Variants in INPP5B observed in about 807,000 individuals in gnomAD.
The protein encoded by INPP5B is inositol polyphosphate-5-phosphatase B, also known as type II inositol 1,4,5-trisphosphate 5-phosphatase.
In INPP5B, 90 loss-of-function variants were observed where a neutral mutation model predicts 118.5. That is an observed-to-expected ratio of 0.76 (90% CI 0.64 to 0.90). INPP5B has a LOEUF of 0.90. Among genes scored for constraint, INPP5B ranks in the 40% least tolerant of loss-of-function variants. The probability of loss-of-function intolerance (pLI) is 0.00; values close to 1 mark genes in which losing one functional copy is unlikely to be tolerated. For synonymous variants in INPP5B, 385 were observed against 418.9 expected (o/e 0.92, Z 0.99); for missense variants, 984 against 1,125.6 (o/e 0.87, Z 1.80).
chr1:37,941,079 T>C (rs1353698577), intron 5 of INPP5B, among the ~76,000 whole-genome samples: 1 of 152,088 alleles, frequency 6.6e-6, no homozygotes, highest in Non-Finnish European at 1.5e-5. Flanking sequence ...ACAGGTTCTC[T>C]GGATGTGTAG....
intron 12 of INPP5B, among the ~76,000 whole-genome samples, 154 bp from the exon 13 acceptor site, chr1:37,885,979 A>C (rs1187273252): frequency 6.6e-6 from 1 of 152,082 alleles, no homozygotes; most frequent in African/African-American, 2.4e-5. Context: ...GGAGTTCAAG[A>C]CCAGCCTGGC....
At chr1:37,900,073 A>ATTTTT (rs34018622) in intron 7 of INPP5B, among the ~76,000 whole-genome samples, 2 of 114,644 alleles carry the variant, frequency 1.7e-5, no homozygotes, top group African/African-American at 3.6e-5. Context: ...TTTACCTTGA[A>ATTTTT]TTTTTTTTTT....
chr1:37,933,695 G>A (rs1645578745), intron 6 of INPP5B, among the ~76,000 whole-genome samples: 1 of 150,958 alleles, frequency 6.6e-6, no homozygotes, highest in African/African-American at 2.4e-5. Flanking sequence ...ACCCCAGCCT[G>A]GGTGACAGAG....
intron 7 of INPP5B, among the ~76,000 whole-genome samples, chr1:37,926,215 AAT>A (rs1453369427): frequency 7.2e-5 from 11 of 152,224 alleles, no homozygotes; most frequent in African/African-American, 1.4e-4. Context: ...GACAGACTTT[AAT>A]ACTTTGTTTC....
Position 37,891,369 on chromosome 1 carries a change from G to A in INPP5B, c.618C>T (p.Ser206=), listed in dbSNP as rs1355673252. The change falls in exon 8 of 24, where the codon AGC becomes AGT. Residue 206 remains serine, a synonymous_variant. Coordinates refer to ENST00000373024, the MANE Select transcript of INPP5B (RefSeq NM_005540.3). ...GAGAGTTGCATTACCTTGGTTGCAA[G>A]CTTTCTGGTTTATCTTGACCCCTGG... ...QSSRGQDKPE[S]LQPRQNKSKS... is the part of the protein sequence containing the mutation. 32 of 1,613,534 alleles carry A rather than the reference G, an allele frequency of 2.0e-5. No individual in the cohort carries two copies. Among genetic ancestry groups the A allele is most frequent in the Non-Finnish European group, 2.6e-5 (31 of 1,179,546 alleles).
At chr1:37,914,983 C>G (rs1644817718) in intron 7 of INPP5B, among the ~76,000 whole-genome samples, 1 of 152,136 alleles carries the variant, frequency 6.6e-6, no homozygotes, top group Non-Finnish European at 1.5e-5. Flanking sequence ...ACAATTGAAA[C>G]CATTTCCCTA....
chr1:37,904,729 T>C (rs1307477585), intron 7 of INPP5B, among the ~76,000 whole-genome samples: 1 of 151,628 alleles, frequency 6.6e-6, no homozygotes, highest in African/African-American at 2.4e-5. Flanking sequence ...AATACAAAAT[T>C]AGCCAGGTGT....
At chr1:37,872,185 G>T (rs900941853) in intron 19 of INPP5B, among the ~76,000 whole-genome samples, 1 of 151,192 alleles carries the variant, frequency 6.6e-6, no homozygotes, top group African/African-American at 2.4e-5. Flanking sequence ...TGACCAACGT[G>T]GAGAAACCCT....
At chr1:37,865,715 C>G (rs769237381) in intron 22 of INPP5B, 46 bp downstream of exon 22, 24 of 1,603,956 alleles carry the variant, frequency 1.5e-5, no homozygotes, top group Admixed American at 6.7e-5. Flanking sequence ...CCCTTAGCCC[C>G]ATGGGGTCTG....
chr1:37,943,892 G>A lies in INPP5B; in HGVS notation c.154C>T (p.Leu52Phe). ...ATCCTCCGGTGCGTATAGAGGAAGA[G>A]ACTAAGGGCAGGAAGCAGAGGTGAG... is the stretch of plus-strand genomic sequence containing the variant. ...RLEHGGQEHA[L>F]FLYTHRRMAI... is the part of the protein sequence containing the mutation. The change falls in exon 4 of 24, where the codon CTC (leucine) becomes TTC (phenylalanine). Residue 52 changes from leucine (L) to phenylalanine (F), a missense_variant and splice_region_variant. Transcript: ENST00000373024. The A allele has an allele frequency of 6.2e-7, 1 of 1,612,460 alleles. No homozygotes were observed. The highest frequency in any genetic ancestry group is 1.1e-5 in the South Asian group (1 of 91,034).
At chr1:37,932,138 C>G (rs1268126034) in intron 6 of INPP5B, 85 bp from the exon 7 acceptor site, 5 of 1,355,726 alleles carry the variant, frequency 3.7e-6, no homozygotes, top group Non-Finnish European at 4.9e-6. Flanking sequence ...GAGACTCCGG[C>G]CCTGTTTCTC....
intron 7 of INPP5B, among the ~76,000 whole-genome samples, chr1:37,892,545 G>A (rs1018519756): frequency 6.6e-6 from 1 of 152,174 alleles, no homozygotes; most frequent in Non-Finnish European, 1.5e-5. Context: ...GTTATGGGAA[G>A]GAGCTCTGGA....
Position 37,932,363 on chromosome 1 carries a change from CTTTT to C in INPP5B, c.392-314_392-311del, listed in dbSNP as rs58150703. Among the ~76,000 whole-genome samples, 364 of 87,824 alleles carry C rather than the reference CTTTT, an allele frequency of 4.1e-3. 1 individual carries two copies. The highest frequency in any genetic ancestry group is 0.014 in the African/African-American group (318 of 23,146). The allele number at this position is 87,824 out of a possible 152,430, so 57.6% of individuals were successfully genotyped here. ...TATTATCCCAATTTTCTTTTCTTTT[CTTTT>C]TTTTTTTTTTTTTTTTTTTGAGACG... On this transcript the variant is annotated intron_variant, in intron 6 of 23. Coordinates refer to ENST00000373024, the MANE Select transcript of INPP5B (RefSeq NM_005540.3).
At chr1:37,884,312 C>T (rs1643384385) in intron 13 of INPP5B, 1 of 151,994 alleles carries the variant, frequency 6.6e-6, no homozygotes, top group Non-Finnish European at 1.5e-5. Flanking sequence ...ACTTTTCCTT[C>T]TCCTTTCTCC....
In INPP5B at chr1:37,862,012, C is replaced by T. The variant is rs367713362; in HGVS notation, c.*303G>A. 33 of 242,430 alleles carry T rather than the reference C, an allele frequency of 1.4e-4. No homozygotes were observed. The highest frequency in any genetic ancestry group is 8.1e-6 in the Non-Finnish European group (1 of 123,412). The allele number at this position is 242,430 out of a possible 1,614,324, so 15.0% of individuals were successfully genotyped here. A position where few individuals can be genotyped will look rare whatever the true frequency, so the allele number is the denominator to read the frequency against. On this transcript the variant is annotated 3_prime_UTR_variant, in exon 24 of 24. Transcript: ENST00000373024. ...GATCGTGCCACCGCACTCCACCCTG[C>T]GCGACAGAGCAAAACTCCGTCTCAA...
Position 37,907,214 on chromosome 1 carries a change from G to A in INPP5B, c.533-15760C>T, listed in dbSNP as rs763687382. 1.3e-5 allele frequency among the ~76,000 whole-genome samples: 2 copies of A among 152,124 alleles called. No homozygotes were observed. Among genetic ancestry groups the A allele is most frequent in the Non-Finnish European group, 2.9e-5 (2 of 68,028 alleles). On this transcript the variant is annotated intron_variant, in intron 7 of 23. Coordinates refer to ENST00000373024, the MANE Select transcript of INPP5B (RefSeq NM_005540.3). This position sits in a 1 kb window ranked among gnomAD's most constrained non-coding sequence, Gnocchi z 4.3. ...GCTGTTGTACTCTTTGTGTAGAAAC[G>A]CACAATAAGCTTACTGAATGTTTTC...
intron 3 of INPP5B, among the ~76,000 whole-genome samples, chr1:37,944,677 GC>G (rs1646053929): frequency 6.6e-6 from 1 of 151,332 alleles, no homozygotes; most frequent in South Asian, 2.1e-4. Flanking sequence ...AAACTCCTCG[GC>G]TCATGTGATC....
chr1:37,917,934 T>C (rs1277114320), intron 7 of INPP5B, among the ~76,000 whole-genome samples: 2 of 152,088 alleles, frequency 1.3e-5, no homozygotes, highest in African/African-American at 4.8e-5. Flanking sequence ...ACCTCCACCA[T>C]CCCCTGGGCA....
intron 7 of INPP5B, among the ~76,000 whole-genome samples, chr1:37,901,164 G>A (rs572550985): frequency 6.6e-5 from 10 of 152,234 alleles, no homozygotes; most frequent in Non-Finnish European, 1.0e-4. Context: ...CCACTAAATC[G>A]TGAGCTCTGC....
Sources: allele counts gnomAD v4.1 joint callset (sites outside exome capture counted in the v4.1 genomes callset), GRCh38; gene constraint gnomAD v4.1.1; non-coding constraint Gnocchi (gnomAD v3.1); transcripts MANE v1.5; gene names NCBI Gene and HGNC (gene_info 2026-07-23, HGNC 2026-07-21).